Variants in RNLS observed in about 807,000 individuals in gnomAD.
RNLS encodes the protein renalase, FAD dependent amine oxidase.
In RNLS, 39 loss-of-function variants were observed where a neutral mutation model predicts 39.8. That is an observed-to-expected ratio of 0.98 (90% CI 0.76 to 1.28). The LOEUF is 1.28. RNLS is among the 50% of genes most tolerant of loss of function. The pLI is 0.00. For missense variants in RNLS, 410 were observed against 413.3 expected (o/e 0.99, Z 0.07); for synonymous variants, 147 against 150.7 (o/e 0.98, Z 0.18).
In RNLS at chr10:88,274,944, C is replaced by A. The variant is rs763153570; in HGVS notation, c.*17G>T. On this transcript the variant is annotated 3_prime_UTR_variant, in exon 7 of 7. Coordinates refer to the RNLS transcript ENST00000371947. ...AAATCAAATAAAACCTGACTGTGTG[C>A]TCCAATTTCCAGGAAGTCAGATGGG... 4 of 1,602,804 alleles carry A rather than the reference C, an allele frequency of 2.5e-6. No homozygotes were observed. In the South Asian group the frequency reaches 3.3e-5, roughly 13 times the overall value.
intron 6 of RNLS, among the ~76,000 whole-genome samples, chr10:88,285,709 T>A (rs1843218325): frequency 6.6e-6 from 1 of 152,038 alleles, no homozygotes; most frequent in Non-Finnish European, 1.5e-5. Flanking sequence ...GTTCAAGTGT[T>A]TATATTTATA....
intron 3 of RNLS, among the ~76,000 whole-genome samples, chr10:88,575,412 C>T (rs947602777): frequency 6.6e-6 from 1 of 151,510 alleles, no homozygotes; most frequent in African/African-American, 2.4e-5. Context: ...TTGAGCCTCG[C>T]AATCCATGTT....
the RNLS span, among the ~76,000 whole-genome samples, chr10:88,176,171 AT>A: frequency 1.7e-5 from 2 of 118,336 alleles, no homozygotes; most frequent in Admixed American, 9.4e-5. Context: ...GCCTTAGCCT[AT>A]CTTTTTTTTT....
At chr10:88,255,200 T>G in the RNLS span, among the ~76,000 whole-genome samples, 1 of 152,252 alleles carries the variant, frequency 6.6e-6, no homozygotes, top group South Asian at 2.1e-4. Flanking sequence ...GTAAGAATTC[T>G]CCTCTTGCCA....
intron 4 of RNLS, among the ~76,000 whole-genome samples, chr10:88,463,847 G>T (rs1205196263): frequency 2.0e-5 from 3 of 152,040 alleles, no homozygotes; most frequent in Non-Finnish European, 4.4e-5. Context: ...GTGTGTGTCT[G>T]TGTGTATGTG....
intron 4 of RNLS, among the ~76,000 whole-genome samples, chr10:88,474,613 T>C (rs1466420855): frequency 6.6e-6 from 1 of 152,118 alleles, no homozygotes; most frequent in Non-Finnish European, 1.5e-5. Flanking sequence ...CACTTTTGAG[T>C]AAACAAAAAG....
At chr10:88,425,672 A>C (rs925559514) in intron 4 of RNLS, among the ~76,000 whole-genome samples, 10 of 152,154 alleles carry the variant, frequency 6.6e-5, no homozygotes, top group Admixed American at 3.9e-4. Flanking sequence ...ATTTTTCTTA[A>C]AAATGATAGC....
At chr10:88,551,337 A>G (rs1848591548) in intron 4 of RNLS, among the ~76,000 whole-genome samples, 1 of 152,196 alleles carries the variant, frequency 6.6e-6, no homozygotes. Context: ...AAAGAAAGAA[A>G]CCACTGCTTC....
chr10:88,243,644 T>C, the RNLS span, among the ~76,000 whole-genome samples: 5 of 152,242 alleles, frequency 3.3e-5, no homozygotes, highest in African/African-American at 9.6e-5. Context: ...CTCTATGAAC[T>C]GCGGGGAAAA....
the RNLS span, among the ~76,000 whole-genome samples, chr10:88,238,924 T>C: frequency 2.6e-5 from 4 of 152,106 alleles, no homozygotes; most frequent in African/African-American, 9.7e-5. Context: ...CAAGACAGCC[T>C]CCCTATGCCA....
chr10:88,375,493 T>C (rs1850913201), intron 4 of RNLS, among the ~76,000 whole-genome samples: 1 of 152,212 alleles, frequency 6.6e-6, no homozygotes. Flanking sequence ...GTATTTCTAT[T>C]GTATCAATGA....
chr10:88,209,105 G>C, the RNLS span, among the ~76,000 whole-genome samples: 1 of 151,900 alleles, frequency 6.6e-6, no homozygotes, highest in Non-Finnish European at 1.5e-5. Context: ...CTTCTTTTTT[G>C]CTAGCTTTTA....
chr10:88,276,938 T>C (rs1842832338), intron 6 of RNLS, among the ~76,000 whole-genome samples: 1 of 152,200 alleles, frequency 6.6e-6, no homozygotes. Flanking sequence ...TCCATAAAAT[T>C]TTGGAAATAT....
intron 5 of RNLS, among the ~76,000 whole-genome samples, chr10:88,323,118 T>C (rs1846307124): frequency 6.6e-6 from 1 of 152,134 alleles, no homozygotes; most frequent in Non-Finnish European, 1.5e-5. Context: ...AGAATACTGA[T>C]GAAAGAACAC....
the RNLS span, among the ~76,000 whole-genome samples, chr10:88,246,547 G>GT: frequency 1.5e-5 from 2 of 130,588 alleles, no homozygotes; most frequent in South Asian, 2.4e-4. Context: ...TGAGAGTTTT[G>GT]TTGTTTTTTT....
At chr10:88,473,716 C>T (rs764335159) in intron 4 of RNLS, among the ~76,000 whole-genome samples, 1 of 151,972 alleles carries the variant, frequency 6.6e-6, no homozygotes, top group Admixed American at 6.6e-5. Flanking sequence ...ACCCTTTAGA[C>T]CTTAGAATGT....
the RNLS span, among the ~76,000 whole-genome samples, chr10:88,225,707 C>G: frequency 6.6e-6 from 1 of 152,082 alleles, no homozygotes; most frequent in Non-Finnish European, 1.5e-5. Flanking sequence ...GAGAAAGATC[C>G]TGACTCTACA....
chr10:88,230,145 G>T, the RNLS span, among the ~76,000 whole-genome samples: 9 of 152,174 alleles, frequency 5.9e-5, no homozygotes, highest in African/African-American at 1.9e-4. Flanking sequence ...TGGCCACTTA[G>T]AAGAGGCTGA....
intron 4 of RNLS, among the ~76,000 whole-genome samples, chr10:88,426,416 T>C (rs1466505862): frequency 6.6e-6 from 1 of 151,962 alleles, no homozygotes; most frequent in East Asian, 1.9e-4. Context: ...GTAAGTTATA[T>C]ATAGAAAACA....
Sources: gnomAD v4.1 joint callset for allele counts (sites outside exome capture counted in the v4.1 genomes callset) on GRCh38, gnomAD v4.1.1 for gene constraint, MANE v1.5 for transcripts, NCBI Gene and HGNC (gene_info 2026-07-23, HGNC 2026-07-21) for gene names.